The following DLGAP1 variants were observed in gnomAD, a reference collection of about 807,000 sequenced individuals.
The protein encoded by DLGAP1 is DLG associated protein 1.
In DLGAP1, 11 loss-of-function variants were observed where a neutral mutation model predicts 90.8. The ratio of observed to expected loss-of-function variants is 0.12; its 90% CI spans 0.08 to 0.20. The LOEUF (loss-of-function observed/expected upper bound fraction) is 0.20. DLGAP1 is among the 10% of genes least tolerant of loss of function. The probability of loss-of-function intolerance (pLI) is 1.00; values close to 1 mark genes in which losing one functional copy is unlikely to be tolerated. For missense variants in DLGAP1, 1,050 were observed against 1,333.8 expected (o/e 0.79, Z 3.31); for synonymous variants, 558 against 540.7 (o/e 1.03, Z -0.44).
intron 3 of DLGAP1, among the ~76,000 whole-genome samples, chr18:3,956,070 T>G (rs2073077593): frequency 6.6e-6 from 1 of 152,244 alleles, no homozygotes; most frequent in East Asian, 1.9e-4. Context: ...TCTAAGAAGC[T>G]CAGTGAACTC....
In DLGAP1 at chr18:3,567,738, C is replaced by T. The variant is rs375221622; in HGVS notation, c.1966-157G>A. Among the ~76,000 whole-genome samples, 23 of 152,256 alleles carry T rather than the reference C, an allele frequency of 1.5e-4. No individual in the cohort carries two copies. The East Asian group carries it at 2.3e-3, about 15-fold the overall frequency. On this transcript the variant is annotated intron_variant, in intron 8 of 12. Coordinates refer to ENST00000315677, the MANE Select transcript of DLGAP1 (RefSeq NM_004746.4). ...ATTTGTGTACACTACCTTCACTGCA[C>T]GCTCTTTGACTCTGTTGCTGTTAGT...
chr18:4,381,686 A>G (rs1007357092), intron 1 of DLGAP1, among the ~76,000 whole-genome samples: 9 of 152,250 alleles, frequency 5.9e-5, no homozygotes, highest in Admixed American at 5.9e-4. Flanking sequence ...AATCCTATTC[A>G]GCCTTCAAAG....
At chr18:3,572,912 G>C (rs1344168413) in intron 8 of DLGAP1, among the ~76,000 whole-genome samples, 1 of 152,090 alleles carries the variant, frequency 6.6e-6, no homozygotes, top group East Asian at 1.9e-4. Context: ...CTTGGTAATA[G>C]TATATTATTT....
intron 9 of DLGAP1, among the ~76,000 whole-genome samples, chr18:3,547,721 G>T (rs945339108): frequency 6.6e-6 from 1 of 152,128 alleles, no homozygotes; most frequent in Admixed American, 6.5e-5. Context: ...ATATTAACTA[G>T]TAATTCTATT....
chr18:4,063,999 GT>G (rs2075336974), intron 2 of DLGAP1, among the ~76,000 whole-genome samples: 1 of 152,020 alleles, frequency 6.6e-6, no homozygotes, highest in African/African-American at 2.4e-5. Context: ...AAATCCAAGT[GT>G]TTCCTAATGT....
At chr18:4,425,364 C>T (rs2083129260) in intron 1 of DLGAP1, among the ~76,000 whole-genome samples, 1 of 152,160 alleles carries the variant, frequency 6.6e-6, no homozygotes, top group African/African-American at 2.4e-5. Flanking sequence ...TGAACTCAGG[C>T]TCCAACTGTC....
chr18:3,581,173 C>A (rs2055487134), intron 8 of DLGAP1, among the ~76,000 whole-genome samples: 1 of 152,174 alleles, frequency 6.6e-6, no homozygotes, highest in African/African-American at 2.4e-5. Context: ...GACACCAGCT[C>A]TCCTTCCTGC....
At chr18:3,841,702 G>A (rs561668006) in intron 4 of DLGAP1, among the ~76,000 whole-genome samples, 82 of 152,232 alleles carry the variant, frequency 5.4e-4, no homozygotes, top group African/African-American at 1.9e-3. Flanking sequence ...CCTTAGCACA[G>A]TACTTTGCAG....
At chr18:3,926,671 C>T (rs754849586) in intron 3 of DLGAP1, among the ~76,000 whole-genome samples, 10 of 149,288 alleles carry the variant, frequency 6.7e-5, no homozygotes, top group South Asian at 2.1e-4. Context: ...TATATATATA[C>T]GGAGAGAGAG....
chr18:3,965,434 T>G (rs975478878), intron 3 of DLGAP1, among the ~76,000 whole-genome samples: 27 of 152,160 alleles, frequency 1.8e-4, no homozygotes, highest in African/African-American at 5.1e-4. Context: ...TTTTTGGAAA[T>G]TTTGGCTTTT....
rs1555621486 is a variant in DLGAP1, at chr18:4,454,406, T to TTCTCTCTCTATC, written c.-267+599_-267+600insGATAGAGAGAGA. Among the ~76,000 whole-genome samples, 4 of 150,558 alleles carry TTCTCTCTCTATC rather than the reference T, an allele frequency of 2.7e-5. No individual in the cohort carries two copies. The highest frequency in any genetic ancestry group is 5.9e-5 in the Non-Finnish European group (4 of 67,496). ...CAGTGACCTCCTCCTTGGACCCCAT[T>TTCTCTCTCTATC]TCTCTCTCTCTCTCTCTCTCTGTGC... On this transcript the variant is annotated intron_variant, in intron 1 of 12. Coordinates refer to ENST00000315677, the MANE Select transcript of DLGAP1 (RefSeq NM_004746.4). This position sits in a 1 kb window ranked among gnomAD's most constrained non-coding sequence, Gnocchi z 4.7.
chr18:4,180,337 T>C (rs2077185689), intron 1 of DLGAP1, among the ~76,000 whole-genome samples: 1 of 152,138 alleles, frequency 6.6e-6, no homozygotes, highest in Non-Finnish European at 1.5e-5. Flanking sequence ...GTCTGGGACT[T>C]TACTACTTTT....
chr18:3,803,153 G>C (rs2148344576), intron 5 of DLGAP1, among the ~76,000 whole-genome samples: 1 of 152,220 alleles, frequency 6.6e-6, no homozygotes, highest in South Asian at 2.1e-4. Flanking sequence ...TATGGAGTTG[G>C]GAAGAGATGT....
intron 1 of DLGAP1, among the ~76,000 whole-genome samples, chr18:4,308,124 G>C (rs1476345466): frequency 6.6e-6 from 1 of 152,192 alleles, no homozygotes; most frequent in Non-Finnish European, 1.5e-5. Context: ...TTATGCACAA[G>C]AGGAAACTGA....
chr18:4,161,123 G>T (rs1251329812), intron 1 of DLGAP1, among the ~76,000 whole-genome samples: 1 of 151,472 alleles, frequency 6.6e-6, no homozygotes, highest in African/African-American at 2.4e-5. Context: ...AGGATGTGCA[G>T]GTTTGTTACA....
intron 5 of DLGAP1, among the ~76,000 whole-genome samples, chr18:3,792,580 T>C (rs777084680): frequency 2.6e-5 from 4 of 152,186 alleles, no homozygotes; most frequent in Non-Finnish European, 4.4e-5. Context: ...TGCATGGAGT[T>C]TGGACCTTGA....
intron 8 of DLGAP1, among the ~76,000 whole-genome samples, chr18:3,568,824 C>T (rs527687912): frequency 2.0e-5 from 3 of 151,430 alleles, no homozygotes; most frequent in Admixed American, 6.6e-5. Flanking sequence ...GTGTCTGGGA[C>T]TACAGGTGCC....
chr18:3,823,172 C>T (rs1265959179), intron 4 of DLGAP1, among the ~76,000 whole-genome samples: 1 of 152,118 alleles, frequency 6.6e-6, no homozygotes, highest in Non-Finnish European at 1.5e-5. Flanking sequence ...TCAGGAGTAG[C>T]CCAAGAGTTG....
chr18:3,733,910 T>C (rs2062539762), intron 6 of DLGAP1, among the ~76,000 whole-genome samples: 1 of 152,204 alleles, frequency 6.6e-6, no homozygotes, highest in Non-Finnish European at 1.5e-5. Context: ...AGTTTTCATT[T>C]TGTTAAGTAA....
Sources: gnomAD v4.1 joint callset for allele counts (sites outside exome capture counted in the v4.1 genomes callset) on GRCh38, gnomAD v4.1.1 for gene constraint, Gnocchi (gnomAD v3.1) non-coding constraint, MANE v1.5 for transcripts, NCBI Gene and HGNC (gene_info 2026-07-23, HGNC 2026-07-21) for gene names.